The following SUMF1 variants were observed in gnomAD, a reference collection of about 807,000 sequenced individuals.
SUMF1 encodes the protein formylglycine-generating enzyme.
A neutral mutation model predicts 47.6 loss-of-function variants in SUMF1; 48 were observed. The observed-to-expected ratio is 1.01, with a 90% CI of 0.80 to 1.28. The LOEUF (loss-of-function observed/expected upper bound fraction) is 1.28, where lower values mean the gene tolerates loss of function less well. Ranked by LOEUF, SUMF1 falls within the 50% of genes most tolerant of loss-of-function variation. The probability of loss-of-function intolerance (pLI) is 0.00; values close to 1 mark genes in which losing one functional copy is unlikely to be tolerated. For synonymous variants in SUMF1, 230 were observed against 192.1 expected (o/e 1.20, Z -1.63); for missense variants, 571 against 485.4 (o/e 1.18, Z -1.66).
chr3:4,137,741 TC>T (rs1295084031), intron 8 of SUMF1, among the ~76,000 whole-genome samples: 1 of 152,086 alleles, frequency 6.6e-6, no homozygotes, highest in African/African-American at 2.4e-5. Context: ...TCCTTTCACA[TC>T]CAGAACAAGA....
At chr3:4,310,178 T>A (rs908020954) in intron 8 of SUMF1, among the ~76,000 whole-genome samples, 1 of 152,188 alleles carries the variant, frequency 6.6e-6, no homozygotes, top group Admixed American at 6.5e-5. Context: ...CAAAAAGTCA[T>A]TATGCAGCAC....
chr3:4,064,898 C>T (rs1695343189), intron 9 of SUMF1, among the ~76,000 whole-genome samples: 1 of 152,138 alleles, frequency 6.6e-6, no homozygotes, highest in Non-Finnish European at 1.5e-5. Flanking sequence ...GAAAATAAAA[C>T]AGCATGGGAC....
intron 8 of SUMF1, among the ~76,000 whole-genome samples, chr3:4,371,946 C>G (rs73809524): frequency 6.6e-6 from 1 of 152,118 alleles, no homozygotes; most frequent in Non-Finnish European, 1.5e-5. Flanking sequence ...TTCTGTGCCC[C>G]CATCTCCTTA....
intron 1 of SUMF1, among the ~76,000 whole-genome samples, chr3:4,461,196 C>T (rs1430452223): frequency 3.3e-5 from 5 of 152,190 alleles, no homozygotes; most frequent in East Asian, 1.9e-4. Context: ...AACATGTCAA[C>T]ATCACAGTGA....
intron 8 of SUMF1, among the ~76,000 whole-genome samples, chr3:4,369,760 A>C (rs538483835): frequency 6.6e-6 from 1 of 152,294 alleles, no homozygotes; most frequent in Non-Finnish European, 1.5e-5. Context: ...TATGGGGCCC[A>C]AGAACCTACT....
At chr3:4,263,192 T>C (rs949380830) in intron 8 of SUMF1, among the ~76,000 whole-genome samples, 32 of 152,174 alleles carry the variant, frequency 2.1e-4, no homozygotes, top group African/African-American at 7.0e-4. Flanking sequence ...AGGTTATCCT[T>C]TTTAATGCCT....
At chr3:4,066,817 C>T (rs1695387509) in intron 9 of SUMF1, among the ~76,000 whole-genome samples, 1 of 152,178 alleles carries the variant, frequency 6.6e-6, no homozygotes, top group African/African-American at 2.4e-5. Context: ...CTAGACCGAA[C>T]ACCTGGCATT....
chr3:4,252,835 T>A (rs553241271), intron 8 of SUMF1, among the ~76,000 whole-genome samples: 58 of 152,248 alleles, frequency 3.8e-4, no homozygotes, highest in African/African-American at 1.4e-3. Flanking sequence ...AGTCAATAGA[T>A]AATCTAAATT....
chr3:4,096,431 T>G (rs1473490980), intron 8 of SUMF1, among the ~76,000 whole-genome samples: 1 of 152,158 alleles, frequency 6.6e-6, no homozygotes, highest in Non-Finnish European at 1.5e-5. Context: ...CTGAAAGGGT[T>G]ACCTTCACCC....
At chr3:4,039,226 T>TTTTTTA in intron 9 of SUMF1, among the ~76,000 whole-genome samples, 1 of 127,312 alleles carries the variant, frequency 7.9e-6, no homozygotes. Context: ...TTTTTTTTTT[T>TTTTTTA]TTTTTTTTAT....
chr3:4,231,754 T>A (rs1231914462), intron 8 of SUMF1, among the ~76,000 whole-genome samples: 1 of 152,136 alleles, frequency 6.6e-6, no homozygotes, highest in African/African-American at 2.4e-5. Context: ...CAGCTGCATG[T>A]TGAGAAGAAT....
chr3:4,312,838 G>A, intron 8 of SUMF1: 1 of 1,520,216 alleles, frequency 6.6e-7, no homozygotes, highest in Non-Finnish European at 8.8e-7. Context: ...GAAGCTACTT[G>A]GAATATATAG....
At chr3:4,379,365 G>T (rs1168022178) in intron 7 of SUMF1, among the ~76,000 whole-genome samples, 1 of 152,204 alleles carries the variant, frequency 6.6e-6, no homozygotes, top group Non-Finnish European at 1.5e-5. Flanking sequence ...AGGATGCACA[G>T]AGGAACACAG....
chr3:4,083,231 C>T (rs920692062), intron 8 of SUMF1, among the ~76,000 whole-genome samples: 5 of 152,106 alleles, frequency 3.3e-5, no homozygotes, highest in Admixed American at 6.5e-5. Flanking sequence ...ACTTTGTTGG[C>T]GGCTACACAA....
chr3:4,289,362 T>C (rs1375115734), intron 8 of SUMF1, among the ~76,000 whole-genome samples: 3 of 152,178 alleles, frequency 2.0e-5, no homozygotes, highest in African/African-American at 7.2e-5. Flanking sequence ...AGACTGGCAT[T>C]ATCAACCTCA....
chr3:4,130,448 C>T (rs1342386321), intron 8 of SUMF1, among the ~76,000 whole-genome samples: 1 of 152,154 alleles, frequency 6.6e-6, no homozygotes, highest in Non-Finnish European at 1.5e-5. Context: ...TTCAGAAAGA[C>T]CTTGATCTCT....
chr3:4,374,326 G>A (rs1417846449), intron 8 of SUMF1, among the ~76,000 whole-genome samples: 1 of 152,134 alleles, frequency 6.6e-6, no homozygotes, highest in African/African-American at 2.4e-5. Flanking sequence ...AATGAGTTTT[G>A]CAAGGTTGCA....
chr3:4,330,507 A>G (rs1199139393), intron 8 of SUMF1, among the ~76,000 whole-genome samples: 3 of 152,332 alleles, frequency 2.0e-5, no homozygotes, highest in East Asian at 3.9e-4. Context: ...TAAAACCATC[A>G]GATCTCACGA....
At position 4,136,575 on chromosome 3, in the gene SUMF1, T is replaced by A. The variant is rs533554114; in HGVS notation, c.1015-67830A>T. 4.9e-3 allele frequency among the ~76,000 whole-genome samples: 739 copies of A among 151,896 alleles called. 10 individuals carry two copies. Among genetic ancestry groups the A allele is most frequent in the African/African-American group, 0.017 (705 of 41,336 alleles). The stretch of plus-strand genomic sequence containing the variant: ...CATAGGCATGGGCAAGGACTTCATG[T>A]CTAAAACATCAAAAGCAATGGCAAC... On this transcript the variant is annotated intron_variant and NMD_transcript_variant, in intron 8 of 12. Transcript: ENST00000448413.
Sources: gnomAD v4.1 joint callset for allele counts (sites outside exome capture counted in the v4.1 genomes callset) on GRCh38, gnomAD v4.1.1 for gene constraint, MANE v1.5 for transcripts, NCBI Gene and HGNC (gene_info 2026-07-23, HGNC 2026-07-21) for gene names.